Variants in RCOR2 observed in about 807,000 individuals in gnomAD.
RCOR2 encodes the protein REST corepressor 2.
A neutral mutation model predicts 58.9 loss-of-function variants in RCOR2; 19 were observed. The ratio of observed to expected loss-of-function variants is 0.32; its 90% confidence interval spans 0.23 to 0.47. The LOEUF is 0.47. RCOR2 is among the 20% of genes least tolerant of loss of function. RCOR2 has a pLI of 1.00. For synonymous variants in RCOR2, 286 were observed against 278.7 expected (o/e 1.03, Z -0.26); for missense variants, 590 against 707.9 (o/e 0.83, Z 1.89).
upstream of RCOR2, among the ~76,000 whole-genome samples, chr11:63,919,595 G>A (rs561531582): frequency 1.4e-3 from 210 of 152,350 alleles, 3 homozygotes; most frequent in African/African-American, 4.1e-3. Context: ...GGGGGTGTGG[G>A]AGGGGAGGGA....
the RCOR2 span, among the ~76,000 whole-genome samples, chr11:63,922,339 A>G: frequency 1.3e-5 from 2 of 152,036 alleles, no homozygotes; most frequent in African/African-American, 4.8e-5. Flanking sequence ...CTAATTATAC[A>G]CTATACACAC....
At chr11:63,924,282 A>G in the RCOR2 span, among the ~76,000 whole-genome samples, 1 of 152,058 alleles carries the variant, frequency 6.6e-6, no homozygotes. Context: ...ATCTTGGCTC[A>G]CTGCAATCTC....
the RCOR2 span, among the ~76,000 whole-genome samples, chr11:63,925,010 C>T: frequency 3.3e-5 from 5 of 152,056 alleles, no homozygotes; most frequent in Non-Finnish European, 7.4e-5. Flanking sequence ...GCCACCACGC[C>T]CAGCTAATTT....
chr11:63,915,309 C>G (rs1941840327), intron 2 of RCOR2, 51 bp from the exon 3 acceptor site: 1 of 1,495,814 alleles, frequency 6.7e-7, no homozygotes, highest in Admixed American at 2.0e-5. Flanking sequence ...CCTGGTGGCA[C>G]AAGCCTAGAC....
intron 1 of RCOR2, 31 bp downstream of exon 1, chr11:63,916,299 C>T: frequency 1.3e-6 from 2 of 1,574,340 alleles, no homozygotes; most frequent in Non-Finnish European, 1.7e-6. Context: ...CCCAGGCCGG[C>T]GCGCCTTTAA....
In RCOR2 at chr11:63,915,430, G is replaced by C. The variant is rs1368662479; in HGVS notation, c.184+125C>G. The C allele has an allele frequency of 2.0e-5, 24 of 1,179,936 alleles. No homozygotes were observed. The East Asian group carries it at 5.9e-4, about 29-fold the overall frequency. 73.1% of individuals were successfully genotyped at this position (1,179,936 alleles called of 1,614,324 possible). A position where few individuals can be genotyped will look rare whatever the true frequency, so the allele number is the denominator to read the frequency against. ...AGGGCAGGAAAGCAAACCATGCTGGGGGGCCACCCACCCCTGCCAGCCTGC... is the reference window on the plus strand; with the variant it reads ...AGGGCAGGAAAGCAAACCATGCTGGCGGGCCACCCACCCCTGCCAGCCTGC... On this transcript the variant is annotated intron_variant, in intron 2 of 11. Coordinates refer to ENST00000301459, the MANE Select transcript of RCOR2 (RefSeq NM_173587.4).
rs1052638990 is a variant in RCOR2 at position 63,916,577 on chromosome 11, G to A, written c.-121C>T. 5.7e-5 allele frequency: 82 copies of A among 1,428,268 alleles called. No homozygotes were observed. Among genetic ancestry groups the A allele is most frequent in the Non-Finnish European group, 7.3e-5 (80 of 1,091,184 alleles). 88.5% of individuals were successfully genotyped at this position (1,428,268 alleles called of 1,614,324 possible). Reference sequence around the variant, plus strand: ...GAGGTCGCCACTGAGGTTAGGAGAGGCAGGAGGTCAGCGTGGCTAGGGTCC... The same window carrying A: ...GAGGTCGCCACTGAGGTTAGGAGAGACAGGAGGTCAGCGTGGCTAGGGTCC... On this transcript the variant is annotated 5_prime_UTR_variant, in exon 1 of 12. Transcript: ENST00000301459.
In RCOR2 at chr11:63,917,164, T is replaced by C. The variant is rs1365473363; in HGVS notation, c.-708A>G. On this transcript the variant is annotated 5_prime_UTR_variant, in exon 1 of 12. Coordinates refer to ENST00000301459, the MANE Select transcript of RCOR2 (RefSeq NM_173587.4). ...CGCCGCTCGCTCCTCGCGCACACAA[T>C]GAAGCTGCTGGCAGGGAAGTAGTGC... 6.6e-6 allele frequency among the ~76,000 whole-genome samples: 1 copy of C among 151,160 alleles called. No homozygotes were observed. Among genetic ancestry groups the C allele is most frequent in the Non-Finnish European group, 1.5e-5 (1 of 67,786 alleles).
chr11:63,912,648 CCT>C lies in RCOR2; in HGVS notation c.1027+26_1027+27del, dbSNP rs145347650. On this transcript the variant is annotated intron_variant, in intron 10 of 11. Coordinates refer to ENST00000301459, the MANE Select transcript of RCOR2 (RefSeq NM_173587.4). ...GGGTGGGGAGATAGATTCCTGGGGT[CCT>C]CTCTTCTCACCACAGTTTAACCCAC... is the stretch of plus-strand genomic sequence containing the variant. 12 of 1,611,922 alleles carry C rather than the reference CCT, an allele frequency of 7.4e-6. No homozygotes were observed. The East Asian group carries it at 2.7e-4, about 36-fold the overall frequency.
chr11:63,921,090 G>A (rs1480299753), upstream of RCOR2, among the ~76,000 whole-genome samples: 1 of 152,196 alleles, frequency 6.6e-6, no homozygotes, highest in Non-Finnish European at 1.5e-5. Flanking sequence ...CCAGGCTTCA[G>A]ACACCCACGT....
upstream of RCOR2, among the ~76,000 whole-genome samples, chr11:63,919,237 C>T (rs1941900147): frequency 6.6e-6 from 1 of 152,020 alleles, no homozygotes; most frequent in Non-Finnish European, 1.5e-5. Flanking sequence ...AGAACCCCCT[C>T]ATGGAGGGGC....
chr11:63,917,345 T>A (rs1941875133), upstream of RCOR2, among the ~76,000 whole-genome samples: 1 of 152,004 alleles, frequency 6.6e-6, no homozygotes, highest in Non-Finnish European at 1.5e-5. Flanking sequence ...CGCGTCCCGC[T>A]GCGGGGGCTC....
chr11:63,912,774 A>G, intron 9 of RCOR2, 41 bp from the exon 10 acceptor site: 1 of 1,611,128 alleles, frequency 6.2e-7, no homozygotes, highest in Non-Finnish European at 8.5e-7. Flanking sequence ...ACTCAAAACC[A>G]TGCAAATGGA....
chr11:63,918,074 G>T (rs534359855), upstream of RCOR2, among the ~76,000 whole-genome samples: 426 of 151,988 alleles, frequency 2.8e-3, 2 homozygotes, highest in African/African-American at 0.01. Context: ...CGTCCCCGCC[G>T]CCCGGGGCAC....
At chr11:63,919,118 A>C (rs1042207571), upstream of RCOR2, among the ~76,000 whole-genome samples, 1 of 151,994 alleles carries the variant, frequency 6.6e-6, no homozygotes, top group African/African-American at 2.4e-5. Flanking sequence ...GCCCTGATGC[A>C]ATGAGGCTTC....
Position 63,912,956 on chromosome 11 carries a change from G to T in RCOR2, c.892-9C>A, listed in dbSNP as rs1462006607. On this transcript the variant is annotated splice_polypyrimidine_tract_variant and intron_variant, in intron 8 of 11. Transcript: ENST00000301459. The stretch of plus-strand genomic sequence containing the variant: ...TGCTTCATGCTCTGTACCTGGGAAG[G>T]CCAGGAAGTGGAGGAATATCAGACT... 1 of 1,610,768 alleles carries T rather than the reference G, an allele frequency of 6.2e-7. No individual in the cohort carries two copies. The highest frequency in any genetic ancestry group is 8.5e-7 in the Non-Finnish European group (1 of 1,178,502).
In RCOR2 at chr11:63,912,031, G is replaced by C; in HGVS notation, c.1406C>G (p.Pro469Arg). The stretch of plus-strand genomic sequence containing the variant: ...CTGGAGGAAGCGGCCCTGCTGCAGT[G>C]GGGGTGGCTGTCGGAGCAGAGTGGG... ...TAPTLLRQPP[P>R]LQQGRFLQPR... The change falls in exon 12 of 12, where the codon CCA (proline) becomes CGA (arginine). Residue 469 changes from proline to arginine, a missense_variant. Around this residue, in one of 3 missense-constraint regions of RCOR2, gnomAD observed 196 missense variants for 210.7 expected, o/e 0.93. Coordinates refer to ENST00000301459, the MANE Select transcript of RCOR2 (RefSeq NM_173587.4). 6.8e-7 allele frequency: 1 copy of C among 1,474,794 alleles called. No homozygotes were observed. The highest frequency in any genetic ancestry group is 2.7e-5 in the Admixed American group (1 of 36,838). The allele number at this position is 1,474,794 out of a possible 1,614,324, so 91.4% of individuals were successfully genotyped here.
intron 4 of RCOR2, 40 bp from the exon 5 acceptor site, chr11:63,914,856 G>C (rs1402007555): frequency 6.2e-7 from 1 of 1,608,984 alleles, no homozygotes; most frequent in Admixed American, 1.7e-5. Context: ...GAGCTGCCCC[G>C]GCACCGTTCC....
chr11:63,913,658 T>C (rs1941812568), intron 8 of RCOR2, among the ~76,000 whole-genome samples: 1 of 152,122 alleles, frequency 6.6e-6, no homozygotes, highest in Non-Finnish European at 1.5e-5. Flanking sequence ...AATTTTTGTA[T>C]TTTTAGTAGA....
Sources: gnomAD v4.1 joint callset for allele counts (sites outside exome capture counted in the v4.1 genomes callset) on GRCh38, gnomAD v4.1.1 for gene constraint, gnomAD v4.1.1 regional missense constraint, MANE v1.5 for transcripts, NCBI Gene and HGNC (gene_info 2026-07-23, HGNC 2026-07-21) for gene names.